The following PIK3R4 variants were observed in gnomAD, a reference collection of about 807,000 sequenced individuals.
The protein encoded by PIK3R4 is phosphoinositide-3-kinase regulatory subunit 4.
In PIK3R4, 46 loss-of-function variants were observed where a neutral mutation model predicts 136.5. The observed-to-expected ratio is 0.34, with a 90% CI of 0.27 to 0.43. The LOEUF is 0.43. PIK3R4 is among the 20% of genes least tolerant of loss of function. The probability of loss-of-function intolerance (pLI) is 1.00; values close to 1 mark genes in which losing one functional copy is unlikely to be tolerated. For synonymous variants in PIK3R4, 557 were observed against 566.7 expected, an observed-to-expected ratio of 0.98 and a Z score of 0.24; for missense variants, 1,331 against 1,649.5, an observed-to-expected ratio of 0.81 and a Z score of 3.35.
In PIK3R4 at chr3:130,722,943, T is replaced by A. The variant is rs570520800; in HGVS notation, c.1981+471A>T. Among the ~76,000 whole-genome samples, 53 of 148,266 alleles carry A rather than the reference T, an allele frequency of 3.6e-4. 1 individual carries two copies. The South Asian group carries it at 0.011, about 30-fold the overall frequency. On this transcript the variant is annotated intron_variant, in intron 7 of 19. Coordinates refer to ENST00000356763, the MANE Select transcript of PIK3R4 (RefSeq NM_014602.3). Reference sequence around the variant, plus strand: ...AGCCGGGCATGGTGGCAGGTGCCTGTAACCCCAGCTACTCAGGAGGCTGAG... The same window carrying A: ...AGCCGGGCATGGTGGCAGGTGCCTGAAACCCCAGCTACTCAGGAGGCTGAG...
At position 130,679,562 on chromosome 3, in the gene PIK3R4, T is replaced by G. The variant is rs1321246238; in HGVS notation, c.3907-77A>C. The G allele has an allele frequency of 5.3e-6, 5 of 941,260 alleles. No homozygotes were observed. In the East Asian group the frequency reaches 9.9e-5, roughly 19 times the overall value. The allele number at this position is 941,260 out of a possible 1,614,324, so 58.3% of individuals were successfully genotyped here. A position where few individuals can be genotyped will look rare whatever the true frequency, so the allele number is the denominator to read the frequency against. The stretch of plus-strand genomic sequence containing the variant: ...TTTTTCCTCTCGTCAGTAGTCCTGC[T>G]TCTGAGATACTGTTGTTGTATTTAA... On this transcript the variant is annotated intron_variant, in intron 19 of 19. Transcript: ENST00000356763.
intron 2 of PIK3R4, among the ~76,000 whole-genome samples, chr3:130,742,556 T>C (rs774200953): frequency 1.3e-5 from 2 of 152,236 alleles, no homozygotes; most frequent in Non-Finnish European, 2.9e-5. Flanking sequence ...ACCTTGAGGC[T>C]AACCCTATCT....
intron 13 of PIK3R4, among the ~76,000 whole-genome samples, chr3:130,698,678 T>C (rs1184562730): frequency 1.3e-5 from 2 of 152,234 alleles, no homozygotes; most frequent in Non-Finnish European, 2.9e-5. Context: ...GTAAGGTTTT[T>C]TCCTAGGTAT....
chr3:130,745,273 A>T lies in PIK3R4; in HGVS notation c.-46-9T>A. On this transcript the variant is annotated splice_polypyrimidine_tract_variant and intron_variant, in intron 1 of 19. Coordinates refer to ENST00000356763, the MANE Select transcript of PIK3R4 (RefSeq NM_014602.3). ...AGGTTAGGATATAATACCTGTTTAA[A>T]ATAAAAACAAATGAAGAAAAAAGAC... 2 of 1,467,670 alleles carry T rather than the reference A, an allele frequency of 1.4e-6. No homozygotes were observed. The highest frequency in any genetic ancestry group is 2.8e-5 in the African/African-American group (2 of 70,960). 90.9% of individuals were successfully genotyped at this position (1,467,670 alleles called of 1,614,324 possible).
intron 14 of PIK3R4, among the ~76,000 whole-genome samples, chr3:130,689,382 T>C (rs866856032): frequency 1.8e-4 from 27 of 152,206 alleles, no homozygotes; most frequent in African/African-American, 5.8e-4. Flanking sequence ...ACTCAATAGA[T>C]ATGTTACTAT....
intron 3 of PIK3R4, 141 bp downstream of exon 3, chr3:130,735,728 A>G (rs2066782380): frequency 3.2e-6 from 2 of 619,138 alleles, no homozygotes; most frequent in Admixed American, 3.5e-5. Context: ...TAACAAAGTA[A>G]TAACAAAAGG....
intron 13 of PIK3R4, among the ~76,000 whole-genome samples, chr3:130,696,031 T>C (rs902896950): frequency 6.6e-6 from 1 of 152,182 alleles, no homozygotes; most frequent in Non-Finnish European, 1.5e-5. Flanking sequence ...TAGGAATTCA[T>C]CCATTTCACC....
intron 13 of PIK3R4, among the ~76,000 whole-genome samples, chr3:130,696,749 A>G (rs1479447225): frequency 6.6e-6 from 1 of 152,144 alleles, no homozygotes; most frequent in Non-Finnish European, 1.5e-5. Context: ...TTCTACTGAT[A>G]CCTGTTAAAT....
At chr3:130,688,919 A>G (rs1354914943) in intron 14 of PIK3R4, among the ~76,000 whole-genome samples, 1 of 152,222 alleles carries the variant, frequency 6.6e-6, no homozygotes, top group Non-Finnish European at 1.5e-5. Context: ...TTTATGGACC[A>G]TACTGCAAGC....
intron 2 of PIK3R4, among the ~76,000 whole-genome samples, chr3:130,740,910 G>C (rs555802034): frequency 1.1e-4 from 16 of 152,288 alleles, no homozygotes; most frequent in South Asian, 4.1e-4. Flanking sequence ...TCTGGGTAAA[G>C]TGTATATGGG....
chr3:130,710,660 T>C (rs1156784444), intron 9 of PIK3R4, among the ~76,000 whole-genome samples: 1 of 152,182 alleles, frequency 6.6e-6, no homozygotes, highest in East Asian at 1.9e-4. Flanking sequence ...ACTGTGAATG[T>C]ACAAGTTCAA....
At position 130,730,367 on chromosome 3, in the gene PIK3R4, T is replaced by C; in HGVS notation, c.1526A>G (p.Asn509Ser). ...ATCTATTTCTTCATTATTGGGGTCA[T>C]TTTCCATATTAAGATTTTTTAACTG... ...LVQLKNLNME[N>S]DPNNEEIDEV... The change falls in exon 5 of 20, where the codon AAT becomes AGT. Residue 509 changes from asparagine to serine, a missense_variant. Physicochemically the swap from Asn to Ser is conservative, Grantham distance 46. Transcript: ENST00000356763. 1 of 1,600,558 alleles carries C rather than the reference T, an allele frequency of 6.2e-7. No individual in the cohort carries two copies. The highest frequency in any genetic ancestry group is 8.5e-7 in the Non-Finnish European group (1 of 1,172,222).
At chr3:130,714,525 T>C (rs115801710) in intron 9 of PIK3R4, among the ~76,000 whole-genome samples, 5,839 of 152,296 alleles carry the variant, frequency 0.038, 169 homozygotes, top group Non-Finnish European at 0.058. Flanking sequence ...GTGCAGAATG[T>C]GCAGGTTTGT....
chr3:130,723,476 G>A lies in PIK3R4; in HGVS notation c.1919C>T (p.Thr640Ile). Residue 640 changes from threonine to isoleucine, a missense_variant, in exon 7 of 20, where the codon ACT (threonine) becomes ATT (isoleucine). By Grantham distance (89) the Thr-to-Ile change is moderately conservative. Coordinates refer to ENST00000356763, the MANE Select transcript of PIK3R4 (RefSeq NM_014602.3). ...TAGCAGTCCTAACTGGCACATACAAGTAAGGGCATAAAGAGCTTTCACAAT... is the reference window on the plus strand; with the variant it reads ...TAGCAGTCCTAACTGGCACATACAAATAAGGGCATAAAGAGCTTTCACAAT... ...FVIVKALYAL[T>I]CMCQLGLLQK... 2 of 1,613,928 alleles carry A rather than the reference G, an allele frequency of 1.2e-6. No individual in the cohort carries two copies. Among genetic ancestry groups the A allele is most frequent in the South Asian group, 1.1e-5 (1 of 91,048 alleles).
chr3:130,710,852 A>G (rs1261999187), intron 9 of PIK3R4, among the ~76,000 whole-genome samples: 1 of 152,078 alleles, frequency 6.6e-6, no homozygotes, highest in Non-Finnish European at 1.5e-5. Flanking sequence ...ATGCAATCTC[A>G]ATCAATACAT....
intron 4 of PIK3R4, among the ~76,000 whole-genome samples, chr3:130,732,420 CAG>C (rs2066764399): frequency 6.8e-6 from 1 of 146,968 alleles, no homozygotes; most frequent in African/African-American, 2.5e-5. Flanking sequence ...GTAAAGAAGA[CAG>C]AGCTTGTTTT....
chr3:130,740,249 C>T (rs572259897), intron 2 of PIK3R4, among the ~76,000 whole-genome samples: 1 of 152,070 alleles, frequency 6.6e-6, no homozygotes, highest in South Asian at 2.1e-4. Flanking sequence ...TTAAAGGAGG[C>T]TAAAGAGATA....
intron 18 of PIK3R4, 92 bp downstream of exon 18, chr3:130,680,885 T>A (rs2066454035): frequency 1.3e-6 from 1 of 780,776 alleles, no homozygotes; most frequent in East Asian, 2.6e-5. Flanking sequence ...CAGCTGTCCT[T>A]ATAAGATGAT....
chr3:130,708,358 T>C lies in PIK3R4; in HGVS notation c.2466A>G (p.Ala822=). The change falls in exon 10 of 20, where the codon GCA becomes GCG. Residue 822 remains alanine (A), a synonymous_variant. Transcript: ENST00000356763. ...CTTGTCTCCCAGTTATGCCTAAAGC[T>C]GCCAAGTCAATTACACCTTTCTGAC... ...DSSQKGVIDL[A]ALGITGRQVD... 1 of 1,613,838 alleles carries C rather than the reference T, an allele frequency of 6.2e-7. No homozygotes were observed. The highest frequency in any genetic ancestry group is 8.5e-7 in the Non-Finnish European group (1 of 1,179,786).
Sources: gnomAD v4.1 joint callset for allele counts (sites outside exome capture counted in the v4.1 genomes callset) on GRCh38, gnomAD v4.1.1 for gene constraint, MANE v1.5 for transcripts, NCBI Gene and HGNC (gene_info 2026-07-23, HGNC 2026-07-21) for gene names.